Variants in CYB561A3 observed in about 807,000 individuals in gnomAD.
CYB561A3 encodes the protein cytochrome b561 family member A3.
Under a neutral mutation model 25.3 loss-of-function variants are expected in CYB561A3, and 16 were observed. The observed-to-expected ratio is 0.63, with a 90% CI of 0.43 to 0.96. The LOEUF is 0.96. CYB561A3 is among the 40% of genes least tolerant of loss of function. The pLI, the probability that CYB561A3 is intolerant of heterozygous loss-of-function variation, is 0.00. For missense variants in CYB561A3, 219 were observed against 307.5 expected (o/e 0.71, Z 2.15); for synonymous variants, 131 against 129.9 (o/e 1.01, Z -0.06).
rs549420104 is a variant in CYB561A3 at position 61,350,432 on chromosome 11, G to C, written c.706-10C>G. The C allele has an allele frequency of 3.7e-6, 6 of 1,611,388 alleles. No individual in the cohort carries two copies. The highest frequency in any genetic ancestry group is 2.2e-5 in the South Asian group (2 of 90,250). On this transcript the variant is annotated splice_polypyrimidine_tract_variant and intron_variant, in intron 6 of 6. Coordinates refer to ENST00000294072, the MANE Select transcript of CYB561A3 (RefSeq NM_153611.6). Reference sequence around the variant, plus strand: ...CATCATGCAGCAGGGGCTGGAAAGAGAGGCAGATGCCCAGGAGTTAATGAC... The same window carrying C: ...CATCATGCAGCAGGGGCTGGAAAGACAGGCAGATGCCCAGGAGTTAATGAC...
intron 5 of CYB561A3, 71 bp downstream of exon 5, chr11:61,352,914 C>G (rs754045837): frequency 1.9e-6 from 3 of 1,612,136 alleles, no homozygotes; most frequent in South Asian, 2.2e-5. Context: ...GTCCTGTGAT[C>G]ACAGGGTGTA....
chr11:61,353,285 T>G (rs1299487189), intron 4 of CYB561A3, 146 bp from the exon 5 acceptor site: 7 of 1,051,070 alleles, frequency 6.7e-6, no homozygotes, highest in Non-Finnish European at 9.4e-6. Flanking sequence ...ACTACCGTGC[T>G]AGCTTCCTCA....
chr11:61,352,682 TG>T (rs1857470660), intron 5 of CYB561A3: 5 of 637,472 alleles, frequency 7.8e-6, no homozygotes, highest in Non-Finnish European at 1.1e-5. Context: ...AAAAAGAAAA[TG>T]GCAATGACAA....
Position 61,349,615 on chromosome 11 carries a change from C to G in CYB561A3, c.*784G>C, listed in dbSNP as rs371157549. On this transcript the variant is annotated 3_prime_UTR_variant, in exon 7 of 7. Coordinates refer to ENST00000294072, the MANE Select transcript of CYB561A3 (RefSeq NM_153611.6). ...AGACACGTAAGTCACAGGGAAAGGC[C>G]GGGATCCAGGCCTCAGCTGTAGCAG... The G allele has an allele frequency of 1.3e-3, 942 of 702,936 alleles. 9 individuals are homozygous for G. The highest frequency in any genetic ancestry group is 2.0e-4 in the Non-Finnish European group (78 of 384,980). The allele number at this position is 702,936 out of a possible 1,614,324, so 43.5% of individuals were successfully genotyped here. A position where few individuals can be genotyped will look rare whatever the true frequency, so the allele number is the denominator to read the frequency against.
upstream of CYB561A3, chr11:61,362,206 G>T (rs554608343): frequency 6.6e-6 from 1 of 152,410 alleles, no homozygotes; most frequent in South Asian, 2.1e-4. Flanking sequence ...GTCAGCTAGC[G>T]GCGACGCTGG....
intron 6 of CYB561A3, 198 bp from the exon 7 acceptor site, chr11:61,350,620 A>G: frequency 1.5e-6 from 1 of 659,048 alleles, no homozygotes; most frequent in Non-Finnish European, 2.6e-6. Context: ...CTGAGCACTC[A>G]GCTGGTCACC....
In CYB561A3 at chr11:61,349,471, G is replaced by A. The variant is rs1565063793; in HGVS notation, c.*928C>T. 1 of 691,836 alleles carries A rather than the reference G, an allele frequency of 1.4e-6. No homozygotes were observed. Among genetic ancestry groups the A allele is most frequent in the Non-Finnish European group, 2.7e-6 (1 of 377,012 alleles). The allele number at this position is 691,836 out of a possible 1,614,324, so 42.9% of individuals were successfully genotyped here. On this transcript the variant is annotated 3_prime_UTR_variant, in exon 7 of 7. Transcript: ENST00000294072. Reference sequence around the variant, plus strand: ...AGGCAGGAAGGCCCTGATCCAGCAAGGAGAAGTAGAGGAAGTCCACAGCCA... The same window carrying A: ...AGGCAGGAAGGCCCTGATCCAGCAAAGAGAAGTAGAGGAAGTCCACAGCCA...
rs3166 is a variant in CYB561A3 at position 61,349,072 on chromosome 11, A to C, written c.*1327T>G. The stretch of plus-strand genomic sequence containing the variant: ...GTGGGCTCCAAACCCCAGGCTTCTC[A>C]CTTGCTTACTAAGCACAGCAGTCTG... On this transcript the variant is annotated 3_prime_UTR_variant, in exon 7 of 7. Coordinates refer to ENST00000294072, the MANE Select transcript of CYB561A3 (RefSeq NM_153611.6). 6.1e-6 allele frequency: 1 copy of C among 164,862 alleles called. No homozygotes were observed. The highest frequency in any genetic ancestry group is 3.2e-3 in the Middle Eastern group (1 of 316). The allele number at this position is 164,862 out of a possible 1,614,324, so 10.2% of individuals were successfully genotyped here.
chr11:61,353,360 G>A (rs1272638358), intron 4 of CYB561A3: 2 of 640,884 alleles, frequency 3.1e-6, no homozygotes. Flanking sequence ...CCCACTCCCA[G>A]CAAACCCAAC....
rs1049396182 is a variant in CYB561A3, at chr11:61,349,846, C to T, written c.*553G>A. On this transcript the variant is annotated 3_prime_UTR_variant, in exon 7 of 7. Transcript: ENST00000294072. ...AGAGCAGATGAAGCCTGCTCTGTGG[C>T]GGGGCAGCCTAACTGAAATGCACAC... 1.4e-5 allele frequency: 8 copies of T among 574,858 alleles called. No individual in the cohort carries two copies. The highest frequency in any genetic ancestry group is 7.5e-5 in the African/African-American group (4 of 53,304). 35.6% of individuals were successfully genotyped at this position (574,858 alleles called of 1,614,324 possible).
chr11:61,349,548 G>A lies in CYB561A3; in HGVS notation c.*851C>T, dbSNP rs780247040. On this transcript the variant is annotated 3_prime_UTR_variant, in exon 7 of 7. Coordinates refer to ENST00000294072, the MANE Select transcript of CYB561A3 (RefSeq NM_153611.6). ...ATCTGGGGACAGGCTCTGTTCTTGG[G>A]AGAGCAGGTCACCAGGATTTGTAGG... The A allele has an allele frequency of 2.8e-5, 20 of 702,868 alleles. No individual in the cohort carries two copies. In the South Asian group the frequency reaches 3.0e-4, roughly 10 times the overall value. 43.5% of individuals were successfully genotyped at this position (702,868 alleles called of 1,614,324 possible).
At chr11:61,357,215 G>A (rs1468143108) in intron 2 of CYB561A3, 33 of 1,551,392 alleles carry the variant, frequency 2.1e-5, no homozygotes, top group Admixed American at 1.4e-4. Flanking sequence ...TAGACAGGAA[G>A]GAGTCAGAAA....
chr11:61,352,741 G>T lies in CYB561A3; in HGVS notation c.548+244C>A, dbSNP rs573678179. On this transcript the variant is annotated intron_variant, in intron 5 of 6. Coordinates refer to ENST00000294072, the MANE Select transcript of CYB561A3 (RefSeq NM_153611.6). ...TGTAGGGTGGTTGACAGGATTAAAT[G>T]TAAGGTGCTTAGTACTGTTTCTGAC... 3.2e-6 allele frequency: 4 copies of T among 1,233,892 alleles called. No individual in the cohort carries two copies. The African/African-American group carries it at 6.1e-5, about 19-fold the overall frequency. The allele number at this position is 1,233,892 out of a possible 1,614,324, so 76.4% of individuals were successfully genotyped here. A position where few individuals can be genotyped will look rare whatever the true frequency, so the allele number is the denominator to read the frequency against.
intron 5 of CYB561A3, 46 bp from the exon 6 acceptor site, chr11:61,351,193 T>A: frequency 1.3e-6 from 2 of 1,553,306 alleles, no homozygotes; most frequent in Non-Finnish European, 1.7e-6. Context: ...TTTTTCCACC[T>A]ATTTTTGTCT....
rs555813458 is a variant in CYB561A3 at position 61,353,281 on chromosome 11, G to A, written c.394-142C>T. ...TTCCCACCTGGCATTGCCCACTACCGTGCTAGCTTCCTCATTGTGGCCTAT... is the reference window on the plus strand; with the variant it reads ...TTCCCACCTGGCATTGCCCACTACCATGCTAGCTTCCTCATTGTGGCCTAT... On this transcript the variant is annotated intron_variant, in intron 4 of 6. Transcript: ENST00000294072. 4.8e-5 allele frequency: 52 copies of A among 1,082,638 alleles called. No individual in the cohort carries two copies. The East Asian group carries it at 4.9e-4, about 10-fold the overall frequency. The allele number at this position is 1,082,638 out of a possible 1,614,324, so 67.1% of individuals were successfully genotyped here. A position where few individuals can be genotyped will look rare whatever the true frequency, so the allele number is the denominator to read the frequency against.
rs1208124894 is a variant in CYB561A3 at position 61,349,937 on chromosome 11, T to A, written c.*462A>T. On this transcript the variant is annotated 3_prime_UTR_variant, in exon 7 of 7. Coordinates refer to ENST00000294072, the MANE Select transcript of CYB561A3 (RefSeq NM_153611.6). ...TTTCACACCGTGGACTGCACTTGAG[T>A]CCCAGCTCTTCACCACATCCCTAGG... is the stretch of plus-strand genomic sequence containing the variant. 3 of 486,898 alleles carry A rather than the reference T, an allele frequency of 6.2e-6. No individual in the cohort carries two copies. The highest frequency in any genetic ancestry group is 1.1e-5 in the Non-Finnish European group (3 of 265,624). The allele number at this position is 486,898 out of a possible 1,614,324, so 30.2% of individuals were successfully genotyped here. A position where few individuals can be genotyped will look rare whatever the true frequency, so the allele number is the denominator to read the frequency against.
chr11:61,352,721 G>A (rs964633827), intron 5 of CYB561A3: 2 of 1,025,212 alleles, frequency 2.0e-6, no homozygotes, highest in Non-Finnish European at 1.3e-6. Context: ...AATGATGTAG[G>A]GTGGTTGACA....
chr11:61,349,699 G>A lies in CYB561A3; in HGVS notation c.*700C>T, dbSNP rs1358387393. On this transcript the variant is annotated 3_prime_UTR_variant, in exon 7 of 7. Coordinates refer to ENST00000294072, the MANE Select transcript of CYB561A3 (RefSeq NM_153611.6). ...ACATGCAGACACAGAGCAGCAATAC[G>A]AAACAGAACAGCTCAGAGCGGTCAG... is the stretch of plus-strand genomic sequence containing the variant. 5 of 700,950 alleles carry A rather than the reference G, an allele frequency of 7.1e-6. No individual in the cohort carries two copies. Among genetic ancestry groups the A allele is most frequent in the South Asian group, 1.5e-5 (1 of 67,430 alleles). The allele number at this position is 700,950 out of a possible 1,614,324, so 43.4% of individuals were successfully genotyped here.
chr11:61,351,128 A>G lies in CYB561A3; in HGVS notation c.568T>C (p.Tyr190His). The G allele has an allele frequency of 1.2e-6, 2 of 1,613,104 alleles. No homozygotes were observed. Among genetic ancestry groups the G allele is most frequent in the Non-Finnish European group, 1.7e-6 (2 of 1,179,678 alleles). The change falls in exon 6 of 7, where the codon TAC becomes CAC. Residue 190 changes from tyrosine (Y) to histidine (H), a missense_variant. Transcript: ENST00000294072. ...ACCGCCTCACTGGGCAGGCTGTGGT[A>G]TGGCCTGGTGGTGTTTTTCCTGAAG... The part of the protein sequence containing the change: ...FFSLKNTTRP[Y>H]HSLPSEAVFA...
Sources: gnomAD v4.1 joint callset for allele counts on GRCh38, gnomAD v4.1.1 for gene constraint, MANE v1.5 for transcripts, NCBI Gene and HGNC (gene_info 2026-07-23, HGNC 2026-07-21) for gene names.